Variants in KCNH8 observed in about 807,000 individuals in gnomAD.
KCNH8 encodes voltage-gated delayed rectifier potassium channel KCNH8.
KCNH8 carries 70 observed loss-of-function variants against 103.6 expected under a neutral mutation model. The ratio of observed to expected loss-of-function variants is 0.68; its 90% CI spans 0.56 to 0.82. KCNH8 has a LOEUF of 0.82. KCNH8 is among the 40% of genes least tolerant of loss of function. KCNH8 has a pLI of 0.00. For missense variants in KCNH8, 1,217 were observed against 1,329.9 expected (o/e 0.92, Z 1.32); for synonymous variants, 498 against 489.4 (o/e 1.02, Z -0.23).
chr3:19,228,619 T>C (rs1432608936), intron 1 of KCNH8, among the ~76,000 whole-genome samples: 1 of 152,248 alleles, frequency 6.6e-6, no homozygotes, highest in Non-Finnish European at 1.5e-5. Flanking sequence ...TTGCTAGTTC[T>C]GTGATTCATT....
At chr3:19,173,329 G>A (rs1028669838) in intron 1 of KCNH8, among the ~76,000 whole-genome samples, 6 of 152,114 alleles carry the variant, frequency 3.9e-5, no homozygotes, top group Admixed American at 3.9e-4. Context: ...GTGGTGGGTT[G>A]AGCAATGGAT....
intron 3 of KCNH8, among the ~76,000 whole-genome samples, chr3:19,320,233 A>G (rs2065331680): frequency 6.6e-6 from 1 of 151,748 alleles, no homozygotes; most frequent in South Asian, 2.1e-4. Flanking sequence ...CCCTGTCTTG[A>G]TTCAGTTCTC....
chr3:19,255,156 A>G (rs1244075517), intron 2 of KCNH8, among the ~76,000 whole-genome samples: 1 of 152,170 alleles, frequency 6.6e-6, no homozygotes, highest in African/African-American at 2.4e-5. Context: ...AAAATACAGC[A>G]GGAAGGCAGC....
chr3:19,328,528 A>G (rs2065462465), intron 3 of KCNH8, among the ~76,000 whole-genome samples: 2 of 152,180 alleles, frequency 1.3e-5, no homozygotes, highest in African/African-American at 4.8e-5. Flanking sequence ...TGAATTGCAC[A>G]ACCAGAAGAG....
In KCNH8 at chr3:19,281,205, A is replaced by G; in HGVS notation, c.318A>G (p.Pro106=). The G allele has an allele frequency of 6.2e-7, 1 of 1,609,328 alleles. No homozygotes were observed. The highest frequency in any genetic ancestry group is 8.5e-7 in the Non-Finnish European group (1 of 1,177,696). ...EIMFYKKNGS[P]FWCLLDIVPI... is the part of the protein sequence containing the mutation. Reference sequence around the variant, plus strand: ...TTTTCTTTACTGTTGCAGGGTCTCCATTTTGGTGCCTACTGGATATTGTTC... The same window carrying G: ...TTTTCTTTACTGTTGCAGGGTCTCCGTTTTGGTGCCTACTGGATATTGTTC... The change falls in exon 3 of 16, where the codon CCA becomes CCG. Residue 106 remains proline, a synonymous_variant. Coordinates refer to ENST00000328405, the MANE Select transcript of KCNH8 (RefSeq NM_144633.3).
chr3:19,493,980 T>A (rs575284494), intron 11 of KCNH8, among the ~76,000 whole-genome samples: 1 of 152,170 alleles, frequency 6.6e-6, no homozygotes, highest in African/African-American at 2.4e-5. Flanking sequence ...CCAATAGATA[T>A]TTTTTCTGAT....
In KCNH8 at chr3:19,532,633, ATTGTT is replaced by A. The variant is rs372044515; in HGVS notation, c.2620-758_2620-754del. 2.0e-5 allele frequency among the ~76,000 whole-genome samples: 3 copies of A among 152,276 alleles called. 1 individual carries two copies. Among genetic ancestry groups the A allele is most frequent in the African/African-American group, 7.2e-5 (3 of 41,568 alleles). ...TTACATGCAGTATCTGCCACTCCAC[ATTGTT>A]TTGAAGTGTCCAGTGATTTTTGTGC... On this transcript the variant is annotated intron_variant, in intron 15 of 15. Transcript: ENST00000328405.
chr3:19,303,700 G>A (rs768508770), intron 3 of KCNH8, among the ~76,000 whole-genome samples: 2 of 152,180 alleles, frequency 1.3e-5, no homozygotes, highest in Non-Finnish European at 2.9e-5. Context: ...GAAGTCATTG[G>A]GTTCTGATAT....
intron 1 of KCNH8, among the ~76,000 whole-genome samples, chr3:19,157,576 A>G (rs2063193049): frequency 6.6e-6 from 1 of 152,050 alleles, no homozygotes; most frequent in Non-Finnish European, 1.5e-5. Context: ...TTATAAAATT[A>G]TTTGGTAGAT....
rs1481914934 is a variant in KCNH8 at position 19,307,953 on chromosome 3, T to C, written c.442+26624T>C. The stretch of plus-strand genomic sequence containing the variant: ...TAAAGAATACAAAATTTTAACTGGA[T>C]AGGAGGAATAAGTTCTAGTGTTCTG... On this transcript the variant is annotated intron_variant, in intron 3 of 15. Transcript: ENST00000328405. 5.3e-5 allele frequency among the ~76,000 whole-genome samples: 8 copies of C among 151,736 alleles called. No homozygotes were observed. In the East Asian group the frequency reaches 1.4e-3, roughly 26 times the overall value.
Position 19,347,905 on chromosome 3 carries a change from C to T in KCNH8, c.751C>T (p.Leu251=). 1.9e-6 allele frequency: 3 copies of T among 1,613,290 alleles called. No individual in the cohort carries two copies. Among genetic ancestry groups the T allele is most frequent in the Non-Finnish European group, 2.5e-6 (3 of 1,179,438 alleles). ...CGTTTGCTTTATTGGCAATGACGAC[C>T]TGTCCACAACTCGGAGCACAACCGT... ...YNVCFIGNDD[L]STTRSTTVSD... is the part of the protein sequence containing the mutation. Residue 251 remains leucine (L), a synonymous_variant, in exon 5 of 16, where the codon CTG becomes TTG. Transcript: ENST00000328405.
intron 1 of KCNH8, among the ~76,000 whole-genome samples, chr3:19,203,458 T>C (rs1488291042): frequency 2.0e-5 from 3 of 152,084 alleles, no homozygotes; most frequent in Non-Finnish European, 4.4e-5. Context: ...TGTAGCATAA[T>C]TTGCTTTTTG....
intron 8 of KCNH8, among the ~76,000 whole-genome samples, chr3:19,447,773 A>G (rs942295593): frequency 1.3e-5 from 2 of 152,002 alleles, no homozygotes; most frequent in Admixed American, 6.6e-5. Context: ...TTCTAAAACA[A>G]TACAGAAGAA....
At chr3:19,446,975 A>G (rs981323633) in intron 8 of KCNH8, among the ~76,000 whole-genome samples, 1 of 152,028 alleles carries the variant, frequency 6.6e-6, no homozygotes, top group African/African-American at 2.4e-5. Flanking sequence ...GAGATTTTAC[A>G]AAATGCATTT....
intron 11 of KCNH8, among the ~76,000 whole-genome samples, chr3:19,481,286 A>C (rs2068081937): frequency 6.6e-6 from 1 of 152,150 alleles, no homozygotes; most frequent in African/African-American, 2.4e-5. Flanking sequence ...TATTATACTC[A>C]TAAGTAATAT....
chr3:19,425,556 A>G (rs1271208471), intron 7 of KCNH8, among the ~76,000 whole-genome samples: 1 of 152,160 alleles, frequency 6.6e-6, no homozygotes, highest in Non-Finnish European at 1.5e-5. Flanking sequence ...CAATGAAGGT[A>G]ATGTTTTAGT....
chr3:19,176,155 A>G (rs1264588290), intron 1 of KCNH8, among the ~76,000 whole-genome samples: 1 of 152,186 alleles, frequency 6.6e-6, no homozygotes, highest in Non-Finnish European at 1.5e-5. Context: ...TTAATATTTT[A>G]CTTCAGTTTT....
At chr3:19,474,256 C>A (rs891530455) in intron 11 of KCNH8, among the ~76,000 whole-genome samples, 1 of 152,132 alleles carries the variant, frequency 6.6e-6, no homozygotes, top group African/African-American at 2.4e-5. Flanking sequence ...GCTTTTCCCA[C>A]AAAATTCCCC....
intron 7 of KCNH8, among the ~76,000 whole-genome samples, chr3:19,412,044 C>A (rs2066788809): frequency 6.6e-6 from 1 of 151,690 alleles, no homozygotes; most frequent in South Asian, 2.1e-4. Flanking sequence ...AAAAAAAATT[C>A]TAAAATGTAT....
Sources: gnomAD v4.1 joint callset for allele counts (sites outside exome capture counted in the v4.1 genomes callset) on GRCh38, gnomAD v4.1.1 for gene constraint, MANE v1.5 for transcripts, NCBI Gene and HGNC (gene_info 2026-07-23, HGNC 2026-07-21) for gene names.